Variants in CDH8 observed in about 807,000 individuals in gnomAD.
CDH8 encodes cadherin-8.
A neutral mutation model predicts 68.1 loss-of-function variants in CDH8; 17 were observed. The ratio of observed to expected loss-of-function variants is 0.25; its 90% CI spans 0.17 to 0.37. The LOEUF is 0.37. Ranked by LOEUF, CDH8 falls within the 10% of genes least tolerant of loss-of-function variation. The pLI, the probability that CDH8 is intolerant of heterozygous loss-of-function variation, is 1.00. For missense variants in CDH8, 763 were observed against 999.3 expected (o/e 0.76, Z 3.19); for synonymous variants, 372 against 365.1 (o/e 1.02, Z -0.21).
chr16:61,874,885 G>A (rs1032671639), intron 3 of CDH8, among the ~76,000 whole-genome samples: 1 of 152,142 alleles, frequency 6.6e-6, no homozygotes, highest in Admixed American at 6.6e-5. Flanking sequence ...TTCAACAAAA[G>A]GAATCTTTCC....
intron 2 of CDH8, among the ~76,000 whole-genome samples, chr16:62,012,304 A>T (rs1421920590): frequency 6.6e-6 from 1 of 152,146 alleles, no homozygotes; most frequent in East Asian, 1.9e-4. Context: ...CAAATATAAA[A>T]CCTTCACATC....
intron 8 of CDH8, among the ~76,000 whole-genome samples, chr16:61,740,110 G>A (rs1200163038): frequency 6.6e-6 from 1 of 151,610 alleles, no homozygotes; most frequent in African/African-American, 2.4e-5. Flanking sequence ...GTTTCATCAT[G>A]TTGGCCAGGA....
rs77743065 is a variant in CDH8, at chr16:61,865,786, T to C, written c.548-8548A>G. Among the ~76,000 whole-genome samples, 330 of 152,346 alleles carry C rather than the reference T, an allele frequency of 2.2e-3. 6 individuals are homozygous for C. The highest frequency in any genetic ancestry group is 0.021 in the East Asian group (111 of 5,192). ...CAAACCTTTGCTAATTTGTTACCTA[T>C]GGAATGAAATCCTGTAAATGCTTGA... On this transcript the variant is annotated intron_variant, in intron 3 of 11. Coordinates refer to ENST00000577390, the MANE Select transcript of CDH8 (RefSeq NM_001796.5).
At chr16:61,674,792 T>G (rs1340769319) in intron 10 of CDH8, among the ~76,000 whole-genome samples, 1 of 151,984 alleles carries the variant, frequency 6.6e-6, no homozygotes, top group Non-Finnish European at 1.5e-5. Flanking sequence ...TTAAAACACA[T>G]GGATGTTATA....
chr16:61,923,635 C>T (rs1292265917), intron 2 of CDH8, among the ~76,000 whole-genome samples: 1 of 151,184 alleles, frequency 6.6e-6, no homozygotes, highest in African/African-American at 2.4e-5. Flanking sequence ...CAACATAAAG[C>T]TGGCATATTC....
In CDH8 at chr16:61,928,175, C is replaced by T. The variant is rs191234734; in HGVS notation, c.253-26702G>A. Among the ~76,000 whole-genome samples the T allele has an allele frequency of 3.9e-4, 59 of 152,226 alleles. No individual in the cohort carries two copies. In the East Asian group the frequency reaches 0.01, roughly 26 times the overall value. On this transcript the variant is annotated intron_variant, in intron 2 of 11. Coordinates refer to ENST00000577390, the MANE Select transcript of CDH8 (RefSeq NM_001796.5). The stretch of plus-strand genomic sequence containing the variant: ...AAATACTTAGGGCAAAACAAGTAGT[C>T]CCAACAATAAGACAGTAACCAAATT...
At chr16:61,727,507 A>T (rs531290785) in intron 8 of CDH8, among the ~76,000 whole-genome samples, 6 of 151,106 alleles carry the variant, frequency 4.0e-5, no homozygotes, top group African/African-American at 1.5e-4. Context: ...TTTATAGATA[A>T]GGGATCAATT....
chr16:61,986,894 A>T (rs1187257185), intron 2 of CDH8, among the ~76,000 whole-genome samples: 2 of 152,198 alleles, frequency 1.3e-5, no homozygotes, highest in Admixed American at 1.3e-4. Context: ...TAGTTTTTCT[A>T]GCTTCTCTTT....
At chr16:61,924,664 T>G (rs1964428782) in intron 2 of CDH8, among the ~76,000 whole-genome samples, 2 of 151,590 alleles carry the variant, frequency 1.3e-5, no homozygotes, top group Non-Finnish European at 2.9e-5. Flanking sequence ...TCAGAAGAAA[T>G]GAATATTAGT....
At chr16:61,671,553 T>A (rs1177011218) in intron 10 of CDH8, among the ~76,000 whole-genome samples, 1 of 151,996 alleles carries the variant, frequency 6.6e-6, no homozygotes, top group African/African-American at 2.4e-5. Context: ...TTTTAAAGTT[T>A]AATATGTGAT....
At chr16:61,668,592 T>A (rs1203705759) in intron 10 of CDH8, among the ~76,000 whole-genome samples, 1 of 151,334 alleles carries the variant, frequency 6.6e-6, no homozygotes, top group African/African-American at 2.4e-5. Flanking sequence ...TCAACAGATC[T>A]AGAAAGAATA....
At chr16:61,851,199 C>T (rs917382944) in intron 4 of CDH8, among the ~76,000 whole-genome samples, 1 of 152,062 alleles carries the variant, frequency 6.6e-6, no homozygotes, top group African/African-American at 2.4e-5. Context: ...TCCATGAAGA[C>T]TCCATGTATT....
intron 4 of CDH8, among the ~76,000 whole-genome samples, chr16:61,849,323 A>AG (rs1392443636): frequency 2.0e-5 from 3 of 148,352 alleles, no homozygotes; most frequent in African/African-American, 7.3e-5. Flanking sequence ...CATTAAAAGA[A>AG]AAAAAAAAAG....
At chr16:61,813,606 G>C (rs764464986) in intron 7 of CDH8, among the ~76,000 whole-genome samples, 3 of 152,168 alleles carry the variant, frequency 2.0e-5, no homozygotes, top group Admixed American at 1.3e-4. Context: ...CTCCAGTTCC[G>C]TGTCCTAGCC....
chr16:61,783,897 G>A (rs1367009942), intron 8 of CDH8, among the ~76,000 whole-genome samples: 7 of 152,140 alleles, frequency 4.6e-5, no homozygotes, highest in African/African-American at 1.7e-4. Flanking sequence ...GACAGATTTT[G>A]TCACCACCAG....
chr16:61,858,412 A>AAGTCTGGTGTGGTAAC (rs1963089185), intron 3 of CDH8, among the ~76,000 whole-genome samples: 3 of 152,232 alleles, frequency 2.0e-5, no homozygotes, highest in African/African-American at 7.2e-5. Flanking sequence ...GAAATTGAAA[A>AAGTCTGGTGTGGTAAC]AGTCTGGTGT....
chr16:61,938,443 A>G (rs1330458207), intron 2 of CDH8, among the ~76,000 whole-genome samples: 1 of 152,172 alleles, frequency 6.6e-6, no homozygotes, highest in African/African-American at 2.4e-5. Context: ...AAGGGGAAAT[A>G]TATACAGCTA....
intron 8 of CDH8, among the ~76,000 whole-genome samples, chr16:61,773,533 T>C (rs118075547): frequency 0.015 from 2,326 of 152,086 alleles, 37 homozygotes; most frequent in Non-Finnish European, 0.02. Context: ...GAGTACTATG[T>C]TTTTGGCAAG....
At chr16:61,690,582 A>C (rs1208736947) in intron 10 of CDH8, among the ~76,000 whole-genome samples, 1 of 152,162 alleles carries the variant, frequency 6.6e-6, no homozygotes, top group African/African-American at 2.4e-5. Flanking sequence ...ACATACCTTT[A>C]TATTATAGTA....
Sources: gnomAD v4.1 joint callset for allele counts (sites outside exome capture counted in the v4.1 genomes callset) on GRCh38, gnomAD v4.1.1 for gene constraint, MANE v1.5 for transcripts, NCBI Gene and HGNC (gene_info 2026-07-23, HGNC 2026-07-21) for gene names.